PARVB: variants seen among roughly 807,000 people sequenced by gnomAD.
PARVB encodes parvin beta.
PARVB carries 46 observed loss-of-function variants against 47.0 expected under a neutral mutation model. That is an observed-to-expected ratio of 0.98 (90% CI 0.77 to 1.25). PARVB has a LOEUF of 1.25. PARVB is among the 50% of genes most tolerant of loss of function. PARVB has a pLI of 0.00. For missense variants in PARVB, 473 were observed against 471.6 expected (o/e 1.00, Z -0.03); for synonymous variants, 196 against 196.3 (o/e 1.00, Z 0.01).
chr22:44,051,674 A>G (rs1253583398), intron 1 of PARVB, among the ~76,000 whole-genome samples: 1 of 152,166 alleles, frequency 6.6e-6, no homozygotes, highest in Non-Finnish European at 1.5e-5. Context: ...GGAAGGGACC[A>G]TGGGAGGAAA....
At chr22:44,052,352 G>A (rs1028203291) in intron 1 of PARVB, among the ~76,000 whole-genome samples, 13 of 152,170 alleles carry the variant, frequency 8.5e-5, no homozygotes, top group African/African-American at 2.9e-4. Flanking sequence ...CGACAGCACC[G>A]GGAGAAAGAA....
intron 9 of PARVB, 173 bp downstream of exon 9, chr22:44,148,095 G>T (rs971178272): frequency 3.2e-6 from 2 of 633,780 alleles, no homozygotes; most frequent in Non-Finnish European, 2.9e-6. Flanking sequence ...TAAAATCAGC[G>T]CCTTTTAACT....
chr22:44,130,530 G>T (rs994294068), intron 4 of PARVB, among the ~76,000 whole-genome samples: 5 of 152,156 alleles, frequency 3.3e-5, no homozygotes, highest in Admixed American at 6.5e-5. Context: ...ATTGTTTCCT[G>T]TTCATTCTTG....
At chr22:44,041,009 T>TA (rs911144005) in intron 1 of PARVB, among the ~76,000 whole-genome samples, 43 of 135,090 alleles carry the variant, frequency 3.2e-4, no homozygotes, top group African/African-American at 5.2e-4. Flanking sequence ...TCTCAAAAAA[T>TA]AAAAAAAAAA....
chr22:44,082,375 T>G lies in PARVB; in HGVS notation c.113-11553T>G, dbSNP rs1033872467. On this transcript the variant is annotated intron_variant, in intron 1 of 12. Transcript: ENST00000338758. Reference sequence around the variant, plus strand: ...CTGTACTAAAAATACAAAAATTAGCTGGGTGTGGTGGTGCACACTTGTAAT... The same window carrying G: ...CTGTACTAAAAATACAAAAATTAGCGGGGTGTGGTGGTGCACACTTGTAAT... 2.0e-5 allele frequency among the ~76,000 whole-genome samples: 3 copies of G among 151,958 alleles called. No homozygotes were observed. The East Asian group carries it at 5.8e-4, about 29-fold the overall frequency.
chr22:44,112,840 G>T (rs13057063), intron 3 of PARVB: 3 of 45,982 alleles, frequency 6.5e-5, no homozygotes, highest in South Asian at 7.4e-4. Context: ...ACACAGATAC[G>T]TTGTTACTAA....
intron 1 of PARVB, among the ~76,000 whole-genome samples, chr22:44,080,271 G>T (rs768829028): frequency 1.1e-4 from 16 of 152,198 alleles, no homozygotes; most frequent in Non-Finnish European, 2.1e-4. Flanking sequence ...AAACCCAGTG[G>T]TTTAAACCAA....
At chr22:44,038,155 T>C (rs1303584930) in intron 1 of PARVB, among the ~76,000 whole-genome samples, 1 of 152,278 alleles carries the variant, frequency 6.6e-6, no homozygotes, top group Non-Finnish European at 1.5e-5. Flanking sequence ...GGCACCATCA[T>C]GTCCCTGCAT....
chr22:44,084,380 A>T (rs1479520118), intron 1 of PARVB, among the ~76,000 whole-genome samples: 1 of 152,194 alleles, frequency 6.6e-6, no homozygotes, highest in Non-Finnish European at 1.5e-5. Flanking sequence ...GGATCAATGG[A>T]TGCTGGAGAA....
In PARVB at chr22:43,999,845, A is replaced by AAC. The variant is rs1555889957; in HGVS notation, c.211+173_211+174insCA. 2.7e-3 allele frequency among the ~76,000 whole-genome samples: 367 copies of AAC among 138,376 alleles called. 1 individual carries two copies. Among genetic ancestry groups the AAC allele is most frequent in the Non-Finnish European group, 3.3e-3 (216 of 65,628 alleles). 90.8% of individuals were successfully genotyped at this position (138,376 alleles called of 152,430 possible). A position where few individuals can be genotyped will look rare whatever the true frequency, so the allele number is the denominator to read the frequency against. ...AAACCCATCTATATGAAAAAAAAAA[A>AAC]AAAAAAAAAAAAACAGCTGGGTGTG... On this transcript the variant is annotated intron_variant, in intron 2 of 13. Coordinates refer to the PARVB transcript ENST00000406477.
At chr22:44,058,549 A>ATTTTTTTTTTTTTTTTT (rs35947294) in intron 1 of PARVB, among the ~76,000 whole-genome samples, 1 of 96,018 alleles carries the variant, frequency 1.0e-5, no homozygotes, top group Non-Finnish European at 2.0e-5. Context: ...GTGGACGTGG[A>ATTTTTTTTTTTTTTTTT]TTTTTTTTTT....
chr22:44,086,950 C>A (rs1470002674), intron 1 of PARVB: 2 of 482,312 alleles, frequency 4.1e-6, no homozygotes, highest in Non-Finnish European at 5.4e-6. Flanking sequence ...GCCCCCTCCC[C>A]AGCTGGGAAG....
In PARVB at chr22:44,132,964, C is replaced by A; in HGVS notation, c.588C>A (p.Pro196=). 1 of 1,614,128 alleles carries A rather than the reference C, an allele frequency of 6.2e-7. No individual in the cohort carries two copies. The highest frequency in any genetic ancestry group is 8.5e-7 in the Non-Finnish European group (1 of 1,180,008). Residue 196 remains proline (P), a synonymous_variant, in exon 6 of 13, where the codon CCC becomes CCA. Transcript: ENST00000338758. ...CTCTGGCCATGCACTTCAGGGCCCC[C>A]ATCCGCCTTCCTGAGCATGTAACGG... ...LVSLAMHFRA[P]IRLPEHVTVQ... is the part of the protein sequence containing the mutation.
At position 44,005,402 on chromosome 22, in the gene PARVB, C is replaced by T. The variant is rs117448761; in HGVS notation, c.211+5729C>T. Among the ~76,000 whole-genome samples, 27 of 149,964 alleles carry T rather than the reference C, an allele frequency of 1.8e-4. No homozygotes were observed. The East Asian group carries it at 5.2e-3, about 29-fold the overall frequency. Reference sequence around the variant, plus strand: ...TGCTGAGATTACATGTATGAGGTACCACGCCTGGCCGTTTTTTTTTTTTTC... The same window carrying T: ...TGCTGAGATTACATGTATGAGGTACTACGCCTGGCCGTTTTTTTTTTTTTC... On this transcript the variant is annotated intron_variant, in intron 2 of 13. Transcript: ENST00000406477.
intron 1 of PARVB, among the ~76,000 whole-genome samples, chr22:44,080,808 C>T (rs1057408114): frequency 4.6e-5 from 7 of 152,210 alleles, no homozygotes; most frequent in Admixed American, 3.3e-4. Context: ...CGAGTGTTCA[C>T]GGAGCACCTG....
At chr22:44,019,426 G>GC (rs1336081163), upstream of PARVB, among the ~76,000 whole-genome samples, 1 of 151,674 alleles carries the variant, frequency 6.6e-6, no homozygotes, top group Non-Finnish European at 1.5e-5. Context: ...CACCATGTTG[G>GC]CCAGTCTAGC....
intron 1 of PARVB, among the ~76,000 whole-genome samples, chr22:44,025,836 A>G (rs1359698656): frequency 6.6e-6 from 1 of 152,114 alleles, no homozygotes; most frequent in Non-Finnish European, 1.5e-5. Flanking sequence ...TCCCCTCCCA[A>G]TTCAGCCCAC....
chr22:44,117,393 G>T (rs535815894), intron 3 of PARVB, among the ~76,000 whole-genome samples: 2 of 151,972 alleles, frequency 1.3e-5, no homozygotes, highest in African/African-American at 2.4e-5. Flanking sequence ...CATGGGGGGT[G>T]GGGGAGGCAG....
chr22:44,044,165 G>C (rs567730806), intron 1 of PARVB, among the ~76,000 whole-genome samples: 1 of 151,500 alleles, frequency 6.6e-6, no homozygotes, highest in African/African-American at 2.4e-5. Flanking sequence ...AAAAACCTCT[G>C]AACTGAGACA....
Sources: gnomAD v4.1 joint callset for allele counts (sites outside exome capture counted in the v4.1 genomes callset) on GRCh38, gnomAD v4.1.1 for gene constraint, MANE v1.5 for transcripts, NCBI Gene and HGNC (gene_info 2026-07-23, HGNC 2026-07-21) for gene names.